ABHD2: variants seen among roughly 807,000 people sequenced by gnomAD.
The protein encoded by ABHD2 is monoacylglycerol lipase ABHD2.
A neutral mutation model predicts 48.1 loss-of-function variants in ABHD2; 20 were observed. The observed-to-expected ratio is 0.42, with a 90% CI of 0.29 to 0.60. The LOEUF is 0.60. Ranked by LOEUF, ABHD2 falls within the 20% of genes least tolerant of loss-of-function variation. The pLI, the probability that ABHD2 is intolerant of heterozygous loss-of-function variation, is 0.24. For synonymous variants in ABHD2, 209 were observed against 214.2 expected, an observed-to-expected ratio of 0.98 and a Z score of 0.21; for missense variants, 405 against 550.9, an observed-to-expected ratio of 0.74 and a Z score of 2.65.
the ABHD2 span, among the ~76,000 whole-genome samples, chr15:89,079,363 C>A: frequency 6.6e-6 from 1 of 152,276 alleles, no homozygotes; most frequent in East Asian, 1.9e-4. The surrounding 1 kb of genome is among the most constrained non-coding windows in gnomAD (Gnocchi z 4.3). Flanking sequence ...AAGCACAGGC[C>A]ACAGATCCTA....
At chr15:89,098,638 C>T (rs118141472) in intron 1 of ABHD2, among the ~76,000 whole-genome samples, 1 of 152,322 alleles carries the variant, frequency 6.6e-6, no homozygotes, top group East Asian at 1.9e-4. Flanking sequence ...CTTGCTCATT[C>T]TTGTCAATGA....
chr15:89,201,882 C>A lies in ABHD2; in HGVS notation c.*6459C>A. The A allele has an allele frequency of 1.5e-6, 1 of 674,724 alleles. No individual in the cohort carries two copies. The highest frequency in any genetic ancestry group is 1.8e-5 in the South Asian group (1 of 56,722). The allele number at this position is 674,724 out of a possible 1,614,324, so 41.8% of individuals were successfully genotyped here. On this transcript the variant is annotated 3_prime_UTR_variant, in exon 11 of 11. Transcript: ENST00000352732. ...GGCGAGAGGGGAGGGGGAGCGAGTT[C>A]GCATCTCTCCTTTTCCTGGTTAGAC...
chr15:89,153,108 C>G (rs1313537826), intron 4 of ABHD2, among the ~76,000 whole-genome samples: 1 of 152,204 alleles, frequency 6.6e-6, no homozygotes, highest in Non-Finnish European at 1.5e-5. Flanking sequence ...GCTGCCTCCT[C>G]CTTGTCATTC....
Position 89,102,898 on chromosome 15 carries a change from G to A in ABHD2, c.-106-10827G>A, listed in dbSNP as rs771059281. On this transcript the variant is annotated intron_variant, in intron 1 of 10. Coordinates refer to ENST00000352732, the MANE Select transcript of ABHD2 (RefSeq NM_152924.5). The surrounding 1 kb of genome is among the most constrained non-coding windows in gnomAD (Gnocchi z 4.8). ...TAGGCTAGGGGTGGCAGGTGGGATT[G>A]CCCTTGGGCTTTAAAGAAGGCTGAG... 2.0e-5 allele frequency among the ~76,000 whole-genome samples: 3 copies of A among 152,262 alleles called. No homozygotes were observed. The highest frequency in any genetic ancestry group is 4.4e-5 in the Non-Finnish European group (3 of 68,040).
At chr15:89,064,697 T>C in the ABHD2 span, among the ~76,000 whole-genome samples, 2 of 152,196 alleles carry the variant, frequency 1.3e-5, no homozygotes, top group African/African-American at 4.8e-5. Context: ...TTTTATAAGT[T>C]ATTTAACTAG....
chr15:89,132,715 G>A (rs2050239691), intron 3 of ABHD2, among the ~76,000 whole-genome samples: 1 of 152,178 alleles, frequency 6.6e-6, no homozygotes. Flanking sequence ...AGTGACACCA[G>A]CACTGTCCTT....
chr15:89,064,217 T>C, the ABHD2 span, among the ~76,000 whole-genome samples: 534 of 98,878 alleles, frequency 5.4e-3, 7 homozygotes, highest in African/African-American at 0.021. Flanking sequence ...TAACATTGTG[T>C]CCTTTTTTTT....
At position 89,189,308 on chromosome 15, in the gene ABHD2, G is replaced by C. The variant is rs1461081418; in HGVS notation, c.926+1005G>C. ...GAGACCAGCCTGGGCAACATAGCAA[G>C]TCCCTGTCTCTACAAAAAAAAATTG... On this transcript the variant is annotated intron_variant, in intron 8 of 10. Transcript: ENST00000352732. This position sits in a 1 kb window ranked among gnomAD's most constrained non-coding sequence, Gnocchi z 4.9. Among the ~76,000 whole-genome samples, 2 of 151,998 alleles carry C rather than the reference G, an allele frequency of 1.3e-5. No homozygotes were observed. The highest frequency in any genetic ancestry group is 2.9e-5 in the Non-Finnish European group (2 of 68,006).
chr15:89,043,078 C>A, the ABHD2 span, among the ~76,000 whole-genome samples: 1 of 152,214 alleles, frequency 6.6e-6, no homozygotes, highest in East Asian at 1.9e-4. Context: ...GGATGAGCCC[C>A]AGGGGCCCTC....
intron 1 of ABHD2, among the ~76,000 whole-genome samples, chr15:89,096,807 G>A (rs776306707): frequency 1.2e-4 from 18 of 152,182 alleles, no homozygotes; most frequent in Non-Finnish European, 2.1e-4. Flanking sequence ...CCGTTTGTAC[G>A]TGCAGCCAAC....
chr15:89,064,460 C>G, the ABHD2 span, among the ~76,000 whole-genome samples: 1 of 151,942 alleles, frequency 6.6e-6, no homozygotes, highest in Non-Finnish European at 1.5e-5. Context: ...GATCTCCTGA[C>G]CTTGTGATCC....
chr15:89,159,652 A>C (rs546041079), intron 5 of ABHD2, among the ~76,000 whole-genome samples: 2 of 152,238 alleles, frequency 1.3e-5, no homozygotes, highest in East Asian at 3.9e-4. Context: ...CCTTAAGAGC[A>C]CTGTATGTTT....
intron 4 of ABHD2, among the ~76,000 whole-genome samples, chr15:89,154,967 T>C (rs2050647840): frequency 6.6e-6 from 1 of 152,244 alleles, no homozygotes; most frequent in Admixed American, 6.5e-5. Context: ...TCTCATTCAT[T>C]CATTCATATA....
rs190631754 is a variant in ABHD2, at chr15:89,149,864, T to A, written c.195-1813T>A. ...AAGTGAGGACCCATGCAGTGGAGGG[T>A]GGGGGCCAGGCTTGTGTGTTGAGAT... is the stretch of plus-strand genomic sequence containing the variant. On this transcript the variant is annotated intron_variant, in intron 3 of 10. Transcript: ENST00000352732. 3.3e-5 allele frequency among the ~76,000 whole-genome samples: 5 copies of A among 151,834 alleles called. No homozygotes were observed. The East Asian group carries it at 9.7e-4, about 29-fold the overall frequency.
chr15:89,150,386 TG>T (rs917485355), intron 3 of ABHD2, among the ~76,000 whole-genome samples: 2 of 152,224 alleles, frequency 1.3e-5, no homozygotes, highest in African/African-American at 4.8e-5. Context: ...GCTTGCTTTT[TG>T]TTACTGTCAT....
the ABHD2 span, among the ~76,000 whole-genome samples, chr15:89,077,094 C>T: frequency 2.6e-5 from 4 of 152,230 alleles, no homozygotes; most frequent in African/African-American, 9.6e-5. Context: ...CCTGTGTAAC[C>T]ACCACCCAGC....
rs1018162689 is a variant in ABHD2 at position 89,100,198 on chromosome 15, C to A, written c.-107+11635C>A. Reference sequence around the variant, plus strand: ...GAGGACCCAGACATTTGGCTCTGGACTGGGATCTTCCAGCCTTGGTGAATG... The same window carrying A: ...GAGGACCCAGACATTTGGCTCTGGAATGGGATCTTCCAGCCTTGGTGAATG... On this transcript the variant is annotated intron_variant, in intron 1 of 10. Coordinates refer to ENST00000352732, the MANE Select transcript of ABHD2 (RefSeq NM_152924.5). This position sits in a 1 kb window ranked among gnomAD's most constrained non-coding sequence, Gnocchi z 4.4. Among the ~76,000 whole-genome samples the A allele has an allele frequency of 6.6e-6, 1 of 152,148 alleles. No individual in the cohort carries two copies. The highest frequency in any genetic ancestry group is 2.1e-4 in the South Asian group (1 of 4,832).
At chr15:89,156,564 T>C in intron 5 of ABHD2, among the ~76,000 whole-genome samples, 1 of 151,958 alleles carries the variant, frequency 6.6e-6, no homozygotes, top group Admixed American at 6.6e-5. Context: ...CTGGCAATCA[T>C]GGCAAAACCC....
chr15:89,140,298 A>G (rs750938488), intron 3 of ABHD2, among the ~76,000 whole-genome samples: 1 of 152,192 alleles, frequency 6.6e-6, no homozygotes, highest in Non-Finnish European at 1.5e-5. Context: ...ATTTTGCTGG[A>G]TGACCTTTTA....
Sources: allele counts gnomAD v4.1 joint callset (sites outside exome capture counted in the v4.1 genomes callset), GRCh38; gene constraint gnomAD v4.1.1; non-coding constraint Gnocchi (gnomAD v3.1); transcripts MANE v1.5; gene names NCBI Gene and HGNC (gene_info 2026-07-23, HGNC 2026-07-21).